Variants in ZNF483 observed in about 807,000 individuals in gnomAD.
ZNF483 encodes the protein zinc finger protein HIT-10.
In ZNF483, 9 loss-of-function variants were observed where a neutral mutation model predicts 28.6. The observed-to-expected ratio is 0.32, with a 90% CI of 0.19 to 0.55. The LOEUF is 0.55. Ranked by LOEUF, ZNF483 falls within the 20% of genes least tolerant of loss-of-function variation. ZNF483 has a pLI of 0.93. For missense variants in ZNF483, 675 were observed against 871.7 expected (o/e 0.77, Z 2.84); for synonymous variants, 322 against 306.2 (o/e 1.05, Z -0.54).
At chr9:111,540,840 G>A (rs556585013) in intron 5 of ZNF483, among the ~76,000 whole-genome samples, 14 of 152,268 alleles carry the variant, frequency 9.2e-5, no homozygotes, top group Admixed American at 5.9e-4. Context: ...GCTCTATCGC[G>A]TATTATACAT....
chr9:111,544,291 A>G lies in ZNF483; in HGVS notation c.*1121A>G, dbSNP rs921479698. ...ACATTTTTTTGCAATTGGAGTGTAA[A>G]CATTCTGTGTGGCAACAGTTAAAAG... is the stretch of plus-strand genomic sequence containing the variant. On this transcript the variant is annotated 3_prime_UTR_variant, in exon 6 of 6. Transcript: ENST00000309235. 3 of 985,264 alleles carry G rather than the reference A, an allele frequency of 3.0e-6. No homozygotes were observed. Among genetic ancestry groups the G allele is most frequent in the South Asian group, 9.4e-5 (2 of 21,290 alleles). The allele number at this position is 985,264 out of a possible 1,614,324, so 61.0% of individuals were successfully genotyped here. A position where few individuals can be genotyped will look rare whatever the true frequency, so the allele number is the denominator to read the frequency against.
chr9:111,564,145 G>T, intron 5 of ZNF483: 1 of 622,814 alleles, frequency 1.6e-6, no homozygotes, highest in Non-Finnish European at 2.1e-6. Context: ...CTTATATAGA[G>T]ACCTGAGTTA....
intron 3 of ZNF483, 93 bp downstream of exon 3, chr9:111,531,056 C>A: frequency 2.2e-6 from 1 of 462,392 alleles, no homozygotes; most frequent in Non-Finnish European, 3.6e-6. Context: ...AGGCTAGGCA[C>A]GGTGGCTTAC....
At position 111,551,400 on chromosome 9, in the gene ZNF483, G is replaced by GTTTTTTTTTTTTTTTTTTTTTTTTT. The variant is rs58638722; in HGVS notation, c.*8231_*8255dup. 2.7e-5 allele frequency among the ~76,000 whole-genome samples: 2 copies of GTTTTTTTTTTTTTTTTTTTTTTTTT among 74,430 alleles called. No homozygotes were observed. The highest frequency in any genetic ancestry group is 2.5e-5 in the Non-Finnish European group (1 of 39,926). 48.8% of individuals were successfully genotyped at this position (74,430 alleles called of 152,430 possible). A position where few individuals can be genotyped will look rare whatever the true frequency, so the allele number is the denominator to read the frequency against. On this transcript the variant is annotated 3_prime_UTR_variant, in exon 6 of 6. Coordinates refer to ENST00000309235, the MANE Select transcript of ZNF483 (RefSeq NM_133464.5). ...TAACTGAATCAAGTATCCAGTTTTTGTTTTTTTTTTTTTTTTTTTTTTTTT... is the reference window on the plus strand; with the variant it reads ...TAACTGAATCAAGTATCCAGTTTTTGTTTTTTTTTTTTTTTTTTTTTTTTTTTTTTTTTTTTTTTTTTTTTTTTTT...
intron 5 of ZNF483, among the ~76,000 whole-genome samples, chr9:111,539,019 A>G (rs539731562): frequency 3.8e-4 from 56 of 147,712 alleles, no homozygotes; most frequent in Middle Eastern, 3.5e-3. Flanking sequence ...AGGCTGAGGC[A>G]GGAGAATGGC....
At chr9:111,527,110 AAAAG>A (rs753867094) in intron 1 of ZNF483, among the ~76,000 whole-genome samples, 154 bp from the exon 2 acceptor site, 9 of 152,300 alleles carry the variant, frequency 5.9e-5, no homozygotes, top group Middle Eastern at 3.4e-3. Flanking sequence ...CTCAAAAAAA[AAAAG>A]AAAGAAAGTT....
chr9:111,545,998 C>T lies in ZNF483; in HGVS notation c.*2828C>T, dbSNP rs1459623525. Among the ~76,000 whole-genome samples, 1 of 152,138 alleles carries T rather than the reference C, an allele frequency of 6.6e-6. No individual in the cohort carries two copies. Among genetic ancestry groups the T allele is most frequent in the African/African-American group, 2.4e-5 (1 of 41,440 alleles). On this transcript the variant is annotated 3_prime_UTR_variant, in exon 6 of 6. Coordinates refer to ENST00000309235, the MANE Select transcript of ZNF483 (RefSeq NM_133464.5). ...ACTGCCAAATTGTTTTCCAAAGTGA[C>T]CGCATTATTTTACATTCTGACTAGT...
rs1352647244 is a variant in ZNF483 at position 111,541,635 on chromosome 9, T to C, written c.722-22T>C. ...CTTCCTTTCTTGCAAACAGGAAATA[T>C]TCTATTTCTTATATCTTTTAGATGA... On this transcript the variant is annotated intron_variant, in intron 5 of 5. Coordinates refer to ENST00000309235, the MANE Select transcript of ZNF483 (RefSeq NM_133464.5). The C allele has an allele frequency of 4.5e-6, 7 of 1,557,122 alleles. No individual in the cohort carries two copies. The East Asian group carries it at 6.8e-5, about 15-fold the overall frequency.
chr9:111,554,634 T>C lies in ZNF483; in HGVS notation c.*11464T>C, dbSNP rs1828067961. On this transcript the variant is annotated 3_prime_UTR_variant, in exon 6 of 6. Coordinates refer to ENST00000309235, the MANE Select transcript of ZNF483 (RefSeq NM_133464.5). ...AGACAGGTAGTGTAGATGACATGGA[T>C]ATGCTGGACAAAGGGATAATTTGTG... Among the ~76,000 whole-genome samples the C allele has an allele frequency of 6.6e-6, 1 of 152,124 alleles. No homozygotes were observed. Among genetic ancestry groups the C allele is most frequent in the Non-Finnish European group, 1.5e-5 (1 of 68,022 alleles).
rs183744140 is a variant in ZNF483, at chr9:111,545,076, T to G, written c.*1906T>G. Among the ~76,000 whole-genome samples, 1 of 152,304 alleles carries G rather than the reference T, an allele frequency of 6.6e-6. No homozygotes were observed. ...GCTACCTCTGGGAGAAGGTTTTTGGTGCCTCCCCAACCCCAAGCCTGCAGT... is the reference window on the plus strand; with the variant it reads ...GCTACCTCTGGGAGAAGGTTTTTGGGGCCTCCCCAACCCCAAGCCTGCAGT... On this transcript the variant is annotated 3_prime_UTR_variant, in exon 6 of 6. Transcript: ENST00000309235.
chr9:111,531,962 C>T (rs1250801941), intron 3 of ZNF483, among the ~76,000 whole-genome samples: 1 of 152,212 alleles, frequency 6.6e-6, no homozygotes, highest in Non-Finnish European at 1.5e-5. Context: ...TGATTACAGG[C>T]ATTAGCCACT....
intron 3 of ZNF483, among the ~76,000 whole-genome samples, chr9:111,533,237 T>G (rs1482808811): frequency 6.6e-6 from 1 of 152,236 alleles, no homozygotes; most frequent in Non-Finnish European, 1.5e-5. Flanking sequence ...ATAATTCTTG[T>G]ACAGTATTTA....
chr9:111,533,921 C>T (rs1827410801), intron 4 of ZNF483, 56 bp downstream of exon 4: 1 of 1,566,608 alleles, frequency 6.4e-7, no homozygotes, highest in South Asian at 1.2e-5. Context: ...CTTTTTGTTC[C>T]CTTTTATTGA....
intron 3 of ZNF483, among the ~76,000 whole-genome samples, chr9:111,531,354 A>G (rs10980926): frequency 0.56 from 81,659 of 146,762 alleles, 23,172 homozygotes; most frequent in Non-Finnish European, 0.65. Flanking sequence ...AAATTAGTCA[A>G]GTGAAATAGA....
At chr9:111,537,614 A>T (rs527790312) in intron 5 of ZNF483, among the ~76,000 whole-genome samples, 2 of 151,888 alleles carry the variant, frequency 1.3e-5, no homozygotes, top group African/African-American at 4.8e-5. Context: ...TATGTACTAC[A>T]GTTTTATGCA....
At chr9:111,539,761 C>CAA (rs201992061) in intron 5 of ZNF483, 53 of 105,916 alleles carry the variant, frequency 5.0e-4, no homozygotes, top group South Asian at 1.3e-3. Flanking sequence ...AACTCCGTCT[C>CAA]AAAAAAAAAA....
chr9:111,525,768 GC>G (rs1208127862), intron 1 of ZNF483, among the ~76,000 whole-genome samples: 1 of 152,122 alleles, frequency 6.6e-6, no homozygotes, highest in African/African-American at 2.4e-5. Context: ...TCATCGCGGA[GC>G]CCCAGGTGCT....
rs542351891 is a variant in ZNF483 at position 111,549,466 on chromosome 9, C to T, written c.*6296C>T. On this transcript the variant is annotated 3_prime_UTR_variant, in exon 6 of 6. Coordinates refer to ENST00000309235, the MANE Select transcript of ZNF483 (RefSeq NM_133464.5). The stretch of plus-strand genomic sequence containing the variant: ...GATTTCCAAGCAAAGTGTTTTTCAC[C>T]CTGAGAAATTGGTGAGGTATCTTTC... Among the ~76,000 whole-genome samples the T allele has an allele frequency of 6.6e-6, 1 of 152,222 alleles. No individual in the cohort carries two copies. Among genetic ancestry groups the T allele is most frequent in the South Asian group, 2.1e-4 (1 of 4,810 alleles).
downstream of ZNF483, among the ~76,000 whole-genome samples, chr9:111,556,926 A>G (rs2132297846): frequency 6.6e-6 from 1 of 152,302 alleles, no homozygotes; most frequent in South Asian, 2.1e-4. Flanking sequence ...CTGGAGCTGG[A>G]GTGGCCACAA....
Sources: allele counts gnomAD v4.1 joint callset (sites outside exome capture counted in the v4.1 genomes callset), GRCh38; gene constraint gnomAD v4.1.1; transcripts MANE v1.5; gene names NCBI Gene and HGNC (gene_info 2026-07-23, HGNC 2026-07-21).